The following SUGP1 variants were observed in gnomAD, a reference collection of about 807,000 sequenced individuals.
SUGP1 encodes the protein SURP and G-patch domain-containing protein 1.
Under a neutral mutation model 76.5 loss-of-function variants are expected in SUGP1, and 34 were observed. That is an observed-to-expected ratio of 0.44 (90% CI 0.34 to 0.59). The LOEUF is 0.59. Ranked by LOEUF, SUGP1 falls within the 20% of genes least tolerant of loss-of-function variation. The probability of loss-of-function intolerance (pLI) is 0.01; values close to 1 mark genes in which losing one functional copy is unlikely to be tolerated. For synonymous variants in SUGP1, 326 were observed against 326.2 expected (o/e 1.00, Z 0.01); for missense variants, 752 against 851.7 (o/e 0.88, Z 1.46).
intron 9 of SUGP1, among the ~76,000 whole-genome samples, chr19:19,279,754 C>G (rs558968489): frequency 1.3e-5 from 2 of 152,206 alleles, no homozygotes; most frequent in African/African-American, 2.4e-5. Context: ...CCGACACTGC[C>G]CAACTACAAC....
chr19:19,279,342 C>G lies in SUGP1; in HGVS notation c.1399G>C (p.Asp467His), dbSNP rs772687437. The G allele has an allele frequency of 6.2e-7, 1 of 1,610,474 alleles. No individual in the cohort carries two copies. Among genetic ancestry groups the G allele is most frequent in the Non-Finnish European group, 8.5e-7 (1 of 1,179,774 alleles). Residue 467 changes from aspartate to histidine, a missense_variant, in exon 10 of 14, where the codon GAC becomes CAC. By Grantham distance (81) the Asp-to-His change is moderately conservative. Around this residue, in one of 2 missense-constraint regions of SUGP1, gnomAD observed 620 missense variants for 617.3 expected, o/e 1.00. Transcript: ENST00000247001. ...MIMQHKRAMQ[D>H]MQLLWEKAVQ... ...GCCTTCTCCCACAGCAGCTGCATGT[C>G]CTGCATGGCCCGCTTGTGCTGCATG...
intron 1 of SUGP1, 112 bp downstream of exon 1, chr19:19,320,351 G>A (rs2061433738): frequency 1.7e-6 from 2 of 1,197,942 alleles, no homozygotes; most frequent in Non-Finnish European, 2.3e-6. Flanking sequence ...GGGCTGCCCC[G>A]GGGCTGAAGC....
In SUGP1 at chr19:19,297,134, A is replaced by G; in HGVS notation, c.1098T>C (p.Ala366=). The change falls in exon 8 of 14, where the codon GCT becomes GCC. Residue 366 remains alanine (A), a synonymous_variant. Coordinates refer to ENST00000247001, the MANE Select transcript of SUGP1 (RefSeq NM_172231.4). ...SSTPAPTIIP[A]PAAPGKPASA... is the part of the protein sequence containing the mutation. ...AGGCTGGCTTCCCGGGGGCAGCTGG[A>G]GCAGGGATGATAGTGGGCGCAGGCG... 4 of 1,613,848 alleles carry G rather than the reference A, an allele frequency of 2.5e-6. No individual in the cohort carries two copies. The highest frequency in any genetic ancestry group is 3.4e-6 in the Non-Finnish European group (4 of 1,179,884).
intron 1 of SUGP1, among the ~76,000 whole-genome samples, chr19:19,319,216 C>T (rs2061418604): frequency 1.3e-5 from 2 of 151,242 alleles, no homozygotes; most frequent in East Asian, 2.0e-4. Context: ...AGCGAAACTC[C>T]GCTTCAACAA....
At position 19,297,169 on chromosome 19, in the gene SUGP1, C is replaced by T. The variant is rs749403249; in HGVS notation, c.1063G>A (p.Ala355Thr). 5.0e-6 allele frequency: 8 copies of T among 1,611,344 alleles called. No homozygotes were observed. Among genetic ancestry groups the T allele is most frequent in the Middle Eastern group, 1.6e-4 (1 of 6,074 alleles). ...ATAGTGGGCGCAGGCGTGGACGAGG[C>T]GGGGCAGGTGGTGGCTGGGGGTAAG... The part of the protein sequence containing the change: ...GSLPPATTCP[A>T]SSTPAPTIIP... Residue 355 changes from alanine to threonine, a missense_variant, in exon 8 of 14, where the codon GCC becomes ACC. By Grantham distance (58) the Ala-to-Thr change is moderately conservative (BLOSUM62 0). This residue lies in a region of SUGP1 where 620 missense variants were observed against 617.3 expected (regional missense o/e 1.00). Transcript: ENST00000247001.
chr19:19,310,085 G>A lies in SUGP1; in HGVS notation c.310+12C>T, dbSNP rs2061343223. 1 of 1,605,080 alleles carries A rather than the reference G, an allele frequency of 6.2e-7. No homozygotes were observed. The highest frequency in any genetic ancestry group is 1.3e-5 in the African/African-American group (1 of 74,714). On this transcript the variant is annotated intron_variant, in intron 3 of 13. Coordinates refer to ENST00000247001, the MANE Select transcript of SUGP1 (RefSeq NM_172231.4). Reference sequence around the variant, plus strand: ...CAAGGACAGCACAAGGAAAGGGGAGGCCTACACTCACCTGTGCTGGTCTGT... The same window carrying A: ...CAAGGACAGCACAAGGAAAGGGGAGACCTACACTCACCTGTGCTGGTCTGT...
intron 1 of SUGP1, among the ~76,000 whole-genome samples, chr19:19,319,462 G>A (rs2061421360): frequency 6.6e-6 from 1 of 151,698 alleles, no homozygotes; most frequent in African/African-American, 2.4e-5. Context: ...GCCAGGTGTG[G>A]TGGCTCACAC....
At chr19:19,277,141 A>C in intron 12 of SUGP1, 65 bp from the exon 13 acceptor site, 7 of 1,543,366 alleles carry the variant, frequency 4.5e-6, no homozygotes, top group East Asian at 2.4e-5. Flanking sequence ...GGCCGGGCAC[A>C]GCTGGGCTCT....
In SUGP1 at chr19:19,297,268, TG is replaced by T; in HGVS notation, c.963del (p.Ser322AlafsTer13). On this transcript the variant is annotated frameshift_variant, in exon 8 of 14. Transcript: ENST00000247001. LOFTEE classifies it high-confidence loss of function. ...QKLEEFRKAK[A>X]SSTGSFTAPD... ...GGTGCTGTGAAGCTGCCTGTGGAGC[TG>T]GCCTTGGCTTTCCGGAACTCCTCCA... 2 of 1,564,974 alleles carry T rather than the reference TG, an allele frequency of 1.3e-6. No homozygotes were observed. Among genetic ancestry groups the T allele is most frequent in the Non-Finnish European group, 1.7e-6 (2 of 1,150,820 alleles).
At chr19:19,314,310 A>G (rs2146629576) in intron 2 of SUGP1, among the ~76,000 whole-genome samples, 1 of 152,030 alleles carries the variant, frequency 6.6e-6, no homozygotes, top group East Asian at 1.9e-4. Context: ...GTGACAGAGC[A>G]AGACTCGTCT....
rs776660490 is a variant in SUGP1 at position 19,277,781 on chromosome 19, G to A, written c.1734C>T (p.Gly578=). 9 of 1,613,808 alleles carry A rather than the reference G, an allele frequency of 5.6e-6. No homozygotes were observed. The highest frequency in any genetic ancestry group is 7.6e-6 in the Non-Finnish European group (9 of 1,179,950). The part of the protein sequence containing the change: ...QMLMKMGWKE[G]EGLGSEGQGI... ...CCTGGCCCTCTGAGCCCAGCCCCTC[G>A]CCCTCCTTCCAGCCCATCTTCATCA... Residue 578 remains glycine, a synonymous_variant, in exon 12 of 14, where the codon GGC becomes GGT. Coordinates refer to ENST00000247001, the MANE Select transcript of SUGP1 (RefSeq NM_172231.4).
chr19:19,288,772 T>C (rs1171361304), intron 8 of SUGP1, among the ~76,000 whole-genome samples: 1 of 152,020 alleles, frequency 6.6e-6, no homozygotes, highest in Non-Finnish European at 1.5e-5. Context: ...AAAGTTTATA[T>C]TCAGATTTTC....
At chr19:19,301,068 C>G (rs980698322) in intron 7 of SUGP1, among the ~76,000 whole-genome samples, 1 of 152,142 alleles carries the variant, frequency 6.6e-6, no homozygotes, top group Non-Finnish European at 1.5e-5. Flanking sequence ...CTTAATCAGG[C>G]AAATGAAGGA....
intron 8 of SUGP1, among the ~76,000 whole-genome samples, chr19:19,295,335 T>G (rs1390828303): frequency 6.6e-6 from 1 of 150,838 alleles, no homozygotes; most frequent in Non-Finnish European, 1.5e-5. Flanking sequence ...CCGGGAGCGG[T>G]GGTTCACGCC....
intron 12 of SUGP1, 139 bp downstream of exon 12, chr19:19,277,595 C>T: frequency 8.5e-7 from 1 of 1,174,978 alleles, no homozygotes; most frequent in South Asian, 1.5e-5. Context: ...CTGTGCCTGA[C>T]AAGGGGTGTG....
At chr19:19,282,042 C>T (rs1035001042) in intron 8 of SUGP1, among the ~76,000 whole-genome samples, 6 of 152,130 alleles carry the variant, frequency 3.9e-5, no homozygotes, top group African/African-American at 1.4e-4. Context: ...TGCAGTGGTG[C>T]GATCTTGGCT....
In SUGP1 at chr19:19,316,404, G is replaced by T; in HGVS notation, c.206+18C>A. The T allele has an allele frequency of 6.2e-7, 1 of 1,613,674 alleles. No individual in the cohort carries two copies. The highest frequency in any genetic ancestry group is 8.5e-7 in the Non-Finnish European group (1 of 1,179,828). On this transcript the variant is annotated intron_variant, in intron 2 of 13. Transcript: ENST00000247001. The stretch of plus-strand genomic sequence containing the variant: ...AGACTCACATCCAGGCCCCATCCAG[G>T]CCCCAGCAGGCACTTACTCGCCAGG...
chr19:19,311,222 A>G (rs1480698673), intron 2 of SUGP1, among the ~76,000 whole-genome samples: 1 of 152,078 alleles, frequency 6.6e-6, no homozygotes, highest in Non-Finnish European at 1.5e-5. Flanking sequence ...CATGAAGGGC[A>G]GCTCTGACAA....
At position 19,277,036 on chromosome 19, in the gene SUGP1, G is replaced by A. The variant is rs747643478; in HGVS notation, c.1822C>T (p.Arg608Trp). The change falls in exon 13 of 14, where the codon CGG (arginine) becomes TGG (tryptophan). Residue 608 changes from arginine (R) to tryptophan (W), a missense_variant. Arg to Trp is a moderately radical substitution (Grantham distance 101). Transcript: ENST00000247001. ...TCCTCCTTGGAGAGCTCCGCCGGCC[G>A]GTCAATGCCGAAGCCAGCGCCGTCC... ...TVDGAGFGIDRPAELSKEDDE... is the reference protein window; with the variant it reads ...TVDGAGFGIDWPAELSKEDDE... 2.5e-6 allele frequency: 4 copies of A among 1,612,456 alleles called. No homozygotes were observed. The highest frequency in any genetic ancestry group is 1.7e-5 in the Admixed American group (1 of 59,946).
Sources: allele counts gnomAD v4.1 joint callset (sites outside exome capture counted in the v4.1 genomes callset), GRCh38; gene constraint gnomAD v4.1.1; regional missense constraint gnomAD v4.1.1; transcripts MANE v1.5; gene names NCBI Gene and HGNC (gene_info 2026-07-23, HGNC 2026-07-21).